USP34: variants seen among roughly 807,000 people sequenced by gnomAD.
USP34 encodes ubiquitin specific peptidase 34, also known as ubiquitin carboxyl-terminal hydrolase 34.
USP34 carries 70 observed loss-of-function variants against 460.3 expected under a neutral mutation model. The observed-to-expected ratio is 0.15, with a 90% CI of 0.13 to 0.19. The LOEUF (loss-of-function observed/expected upper bound fraction) is 0.19, where lower values mean the gene tolerates loss of function less well. USP34 is among the 10% of genes least tolerant of loss of function. The pLI is 1.00. For synonymous variants in USP34, 1,647 were observed against 1,405.3 expected, an observed-to-expected ratio of 1.17 and a Z score of -3.85; for missense variants, 3,985 against 4,236.2, an observed-to-expected ratio of 0.94 and a Z score of 1.65.
intron 65 of USP34, 137 bp from the exon 66 acceptor site, chr2:61,221,743 G>C (rs1687593777): frequency 1.4e-6 from 1 of 712,588 alleles, no homozygotes; most frequent in Non-Finnish European, 2.1e-6. Context: ...ACTTCTGCAT[G>C]TGAACCTGAA....
chr2:61,460,202 T>C (rs1695559897), intron 1 of USP34, among the ~76,000 whole-genome samples: 1 of 152,230 alleles, frequency 6.6e-6, no homozygotes, highest in South Asian at 2.1e-4. Flanking sequence ...CCACAGTCAC[T>C]ATGGTCCAAA....
chr2:61,395,636 A>G (rs183307912), intron 3 of USP34, among the ~76,000 whole-genome samples: 18,550 of 148,716 alleles, frequency 0.12, 1,585 homozygotes, highest in South Asian at 0.35. Context: ...AATACAAAAA[A>G]TTAGCCGGGC....
Position 61,311,846 on chromosome 2 carries a change from G to A in USP34, c.3607C>T (p.Leu1203=), listed in dbSNP as rs758127493. The change falls in exon 26 of 80, where the codon CTG becomes TTG. Residue 1203 remains leucine, a synonymous_variant. Transcript: ENST00000398571. The stretch of plus-strand genomic sequence containing the variant: ...AGCGGCAGAGACTGTTTGTCACTCA[G>A]TGCTTTCAAATGACTACTAATACCA... ...GTGISSHLKA[L]SDKQSLPLRV... 432 of 1,614,050 alleles carry A rather than the reference G, an allele frequency of 2.7e-4. 5 individuals carry two copies. The East Asian group carries it at 9.2e-3, about 34-fold the overall frequency.
At chr2:61,427,920 T>C (rs1156953369) in intron 1 of USP34, among the ~76,000 whole-genome samples, 1 of 152,098 alleles carries the variant, frequency 6.6e-6, no homozygotes. Context: ...CCCAGCACTT[T>C]GGATGGCTGA....
At chr2:61,429,797 C>T (rs1010120223) in intron 1 of USP34, among the ~76,000 whole-genome samples, 7 of 152,198 alleles carry the variant, frequency 4.6e-5, no homozygotes, top group Non-Finnish European at 1.0e-4. Flanking sequence ...CACAGTGGCT[C>T]CTGCCTATAA....
intron 21 of USP34, among the ~76,000 whole-genome samples, chr2:61,324,748 G>C (rs1443769745): frequency 6.6e-6 from 1 of 152,062 alleles, no homozygotes; most frequent in Non-Finnish European, 1.5e-5. Context: ...TCCAGCCTGG[G>C]AGACAGTGTG....
intron 33 of USP34, among the ~76,000 whole-genome samples, chr2:61,292,505 C>A (rs1335022159): frequency 6.6e-6 from 1 of 152,132 alleles, no homozygotes; most frequent in Non-Finnish European, 1.5e-5. Flanking sequence ...AATCTTTTGG[C>A]TTCCCTGGCC....
intron 1 of USP34, among the ~76,000 whole-genome samples, chr2:61,445,222 TAAAAAAAA>T (rs57854651): frequency 1.2e-4 from 5 of 40,656 alleles, no homozygotes; most frequent in African/African-American, 5.3e-4. Flanking sequence ...AGAACCACAC[TAAAAAAAA>T]AAAAAAAAAA....
intron 27 of USP34, among the ~76,000 whole-genome samples, chr2:61,302,199 T>C (rs1414652343): frequency 6.6e-6 from 1 of 152,198 alleles, no homozygotes; most frequent in Non-Finnish European, 1.5e-5. Flanking sequence ...ATTTAAACTT[T>C]AAAAATATTG....
rs571461836 is a variant in USP34, at chr2:61,278,370, T to G, written c.5312+18A>C. The G allele has an allele frequency of 3.1e-6, 5 of 1,608,294 alleles. No homozygotes were observed. In the South Asian group the frequency reaches 5.6e-5, roughly 18 times the overall value. ...CTTTCCTCGACAATATAAATGTCAATTTCACATCAAATTTTACCTTCGAAT... is the reference window on the plus strand; with the variant it reads ...CTTTCCTCGACAATATAAATGTCAAGTTCACATCAAATTTTACCTTCGAAT... On this transcript the variant is annotated intron_variant, in intron 40 of 79. Transcript: ENST00000398571.
intron 48 of USP34, among the ~76,000 whole-genome samples, chr2:61,255,084 A>G (rs1688690133): frequency 6.6e-6 from 1 of 152,038 alleles, no homozygotes; most frequent in South Asian, 2.1e-4. Flanking sequence ...ACATCCTTGA[A>G]CTCCCAAAGT....
chr2:61,289,970 G>A (rs543673567), intron 33 of USP34, among the ~76,000 whole-genome samples: 1 of 152,130 alleles, frequency 6.6e-6, no homozygotes, highest in Non-Finnish European at 1.5e-5. Flanking sequence ...CATGTGTGGG[G>A]GGCTTGTCCC....
chr2:61,426,312 G>A (rs1335613532), intron 1 of USP34, among the ~76,000 whole-genome samples: 5 of 152,156 alleles, frequency 3.3e-5, no homozygotes, highest in African/African-American at 1.2e-4. Context: ...CTAATTCTAA[G>A]ACCTGACTCT....
chr2:61,258,550 T>C (rs1688782168), intron 44 of USP34, among the ~76,000 whole-genome samples: 1 of 151,530 alleles, frequency 6.6e-6, no homozygotes, highest in South Asian at 2.1e-4. Flanking sequence ...GTGACACAGG[T>C]AGGAAACAAT....
intron 27 of USP34, among the ~76,000 whole-genome samples, chr2:61,310,149 T>C (rs964577613): frequency 2.0e-5 from 3 of 152,178 alleles, no homozygotes; most frequent in African/African-American, 7.2e-5. Context: ...ATCTGGATGG[T>C]AGGTACGTGG....
chr2:61,190,728 C>T, intron 76 of USP34, 70 bp from the exon 77 acceptor site: 1 of 1,533,586 alleles, frequency 6.5e-7, no homozygotes, highest in Non-Finnish European at 8.7e-7. Context: ...AAAAAACTTA[C>T]ACAGAAAAAA....
At chr2:61,340,854 TTG>T (rs1331258846) in intron 16 of USP34, among the ~76,000 whole-genome samples, 1 of 147,816 alleles carries the variant, frequency 6.8e-6, no homozygotes, top group Non-Finnish European at 1.5e-5. Flanking sequence ...AGTCTGTGGC[TTG>T]TCTTTTTTTT....
intron 5 of USP34, among the ~76,000 whole-genome samples, chr2:61,391,211 C>T (rs1693334979): frequency 1.3e-5 from 2 of 152,094 alleles, no homozygotes; most frequent in African/African-American, 4.8e-5. Context: ...TTTAGGAGGC[C>T]AAGGCGGGCG....
At chr2:61,241,218 A>AT (rs1425355198) in intron 53 of USP34, among the ~76,000 whole-genome samples, 4 of 151,724 alleles carry the variant, frequency 2.6e-5, no homozygotes, top group Non-Finnish European at 1.5e-5. Flanking sequence ...TACTTTTTGT[A>AT]TTTTTTAGGA....
Sources: gnomAD v4.1 joint callset for allele counts (sites outside exome capture counted in the v4.1 genomes callset) on GRCh38, gnomAD v4.1.1 for gene constraint, MANE v1.5 for transcripts, NCBI Gene and HGNC (gene_info 2026-07-23, HGNC 2026-07-21) for gene names.